SYNE2: variants seen among roughly 807,000 people sequenced by gnomAD.
SYNE2 encodes nesprin-2.
A neutral mutation model predicts 856.3 loss-of-function variants in SYNE2; 431 were observed. The observed-to-expected ratio is 0.50, with a 90% CI of 0.47 to 0.55. The LOEUF is 0.55. Ranked by LOEUF, SYNE2 falls within the 20% of genes least tolerant of loss-of-function variation. The pLI is 0.00. For missense variants in SYNE2, 8,129 were observed against 8,023.2 expected (o/e 1.01, Z -0.50); for synonymous variants, 2,923 against 2,872.3 (o/e 1.02, Z -0.56).
chr14:64,098,974 A>C (rs1280722153), intron 63 of SYNE2, 153 bp downstream of exon 63: 1 of 766,840 alleles, frequency 1.3e-6, no homozygotes, highest in Non-Finnish European at 2.2e-6. Context: ...TTATGTTATT[A>C]ATGTTTAAGT....
intron 1 of SYNE2, among the ~76,000 whole-genome samples, chr14:63,804,700 G>A (rs1192258799): frequency 6.6e-6 from 1 of 152,036 alleles, no homozygotes; most frequent in African/African-American, 2.4e-5. Flanking sequence ...CTCCATGTTG[G>A]TCAGGCTGAT....
intron 46 of SYNE2, 129 bp downstream of exon 46, chr14:64,048,284 T>A (rs574181167): frequency 1.2e-6 from 1 of 802,888 alleles, no homozygotes; most frequent in African/African-American, 1.7e-5. Flanking sequence ...TGATGATCAA[T>A]TTGGTAACTG....
At chr14:63,941,642 T>G in intron 3 of SYNE2, 53 bp from the exon 4 acceptor site, 1 of 1,452,410 alleles carries the variant, frequency 6.9e-7, no homozygotes, top group Non-Finnish European at 9.7e-7. Context: ...TTCTTAAAGG[T>G]ATTCTTTTTG....
chr14:64,106,703 T>C (rs1478477996), intron 64 of SYNE2, among the ~76,000 whole-genome samples: 3 of 152,236 alleles, frequency 2.0e-5, no homozygotes, highest in African/African-American at 7.2e-5. Context: ...CATTTCTCTT[T>C]AACTTAGATT....
chr14:63,928,892 A>G (rs2095707504), intron 2 of SYNE2, among the ~76,000 whole-genome samples: 1 of 152,120 alleles, frequency 6.6e-6, no homozygotes, highest in African/African-American at 2.4e-5. Context: ...GGGAATGGCA[A>G]CAGGGTCTCA....
chr14:64,187,259 T>A (rs1194704454), intron 97 of SYNE2, among the ~76,000 whole-genome samples: 1 of 152,226 alleles, frequency 6.6e-6, no homozygotes, highest in African/African-American at 2.4e-5. Context: ...TTCCTTAATC[T>A]CATTTTTGTG....
intron 1 of SYNE2, among the ~76,000 whole-genome samples, chr14:63,816,198 C>T (rs532634397): frequency 1.6e-4 from 24 of 152,174 alleles, no homozygotes; most frequent in Admixed American, 5.2e-4. Flanking sequence ...ATGCCCGCCT[C>T]GGCCTCCCAA....
chr14:64,007,116 G>C lies in SYNE2; in HGVS notation c.4471G>C (p.Ala1491Pro). 6.2e-7 allele frequency: 1 copy of C among 1,613,198 alleles called. No homozygotes were observed. Among genetic ancestry groups the C allele is most frequent in the Non-Finnish European group, 8.5e-7 (1 of 1,179,152 alleles). ...AGAGAAGAGACATTTACAAGAAATG[G>C]CTAATTCTCTTCCACACTTCAAAGA... ...EEEKRHLQEMANSLPHFKDGR... is the reference protein window; with the variant it reads ...EEEKRHLQEMPNSLPHFKDGR... Residue 1491 changes from alanine (A) to proline (P), a missense_variant, in exon 31 of 116, where the codon GCT becomes CCT. Transcript: ENST00000555002.
chr14:63,972,262 A>G (rs569355884), intron 11 of SYNE2, among the ~76,000 whole-genome samples: 32 of 152,330 alleles, frequency 2.1e-4, no homozygotes, highest in African/African-American at 4.6e-4. Context: ...GATATTGTCT[A>G]TATAGCTCAG....
intron 32 of SYNE2, 73 bp from the exon 33 acceptor site, chr14:64,016,400 A>G (rs1455308198): frequency 1.5e-5 from 15 of 1,019,150 alleles, no homozygotes; most frequent in Admixed American, 2.5e-5. Flanking sequence ...TCAATATCCA[A>G]CAATAGAATT....
intron 94 of SYNE2, among the ~76,000 whole-genome samples, chr14:64,173,155 A>G (rs1028838670): frequency 6.6e-6 from 1 of 152,204 alleles, no homozygotes; most frequent in Non-Finnish European, 1.5e-5. Context: ...GTTAGGGTAG[A>G]GAGACCCTGA....
chr14:63,838,661 A>G lies in SYNE2; in HGVS notation c.-304-13840A>G, dbSNP rs566949922. The stretch of plus-strand genomic sequence containing the variant: ...AGTAGCCAGACTATAGGCACGCATA[A>G]CTGAGCTTGGCTAATTTTAAAATTT... On this transcript the variant is annotated intron_variant, in intron 1 of 23. Transcript: ENST00000674003. Among the ~76,000 whole-genome samples, 83 of 152,138 alleles carry G rather than the reference A, an allele frequency of 5.5e-4. No individual in the cohort carries two copies. The South Asian group carries it at 7.9e-3, about 14-fold the overall frequency.
At chr14:64,008,221 TATG>T (rs1338540020) in intron 31 of SYNE2, among the ~76,000 whole-genome samples, 1 of 152,206 alleles carries the variant, frequency 6.6e-6, no homozygotes, top group Non-Finnish European at 1.5e-5. Flanking sequence ...AGAGGACCCT[TATG>T]ATTACACCAG....
At chr14:63,940,788 AG>A (rs2095903519) in intron 3 of SYNE2, 113 bp downstream of exon 3, 1 of 889,694 alleles carries the variant, frequency 1.1e-6, no homozygotes, top group South Asian at 1.5e-5. Context: ...GACAGGGAAA[AG>A]GTTGTGGAAT....
intron 85 of SYNE2, among the ~76,000 whole-genome samples, chr14:64,157,736 A>G (rs550706811): frequency 7.9e-5 from 12 of 152,372 alleles, no homozygotes; most frequent in African/African-American, 2.2e-4. Flanking sequence ...CATCGTCACC[A>G]ACACATTATT....
intron 20 of SYNE2, 121 bp from the exon 21 acceptor site, chr14:63,990,801 TATAATTTAGATAGATTTATC>T (rs2096660939): frequency 5.0e-6 from 4 of 795,260 alleles, no homozygotes; most frequent in Admixed American, 2.3e-5. Context: ...TAGATAGATT[TATAATTTAGATAGATTTATC>T]ATAATTTAGA....
intron 7 of SYNE2, among the ~76,000 whole-genome samples, 185 bp from the exon 8 acceptor site, chr14:63,954,534 T>C: frequency 6.6e-6 from 1 of 152,182 alleles, no homozygotes. Context: ...CAGTGTTCTG[T>C]GGTATTTTGA....
chr14:64,179,493 C>A (rs1447019895), intron 96 of SYNE2, among the ~76,000 whole-genome samples: 1 of 152,160 alleles, frequency 6.6e-6, no homozygotes, highest in Non-Finnish European at 1.5e-5. Context: ...ATGTTGGCAC[C>A]TAATGCACAT....
intron 1 of SYNE2, among the ~76,000 whole-genome samples, chr14:63,767,104 T>C (rs2139694553): frequency 6.8e-6 from 1 of 146,810 alleles, no homozygotes; most frequent in South Asian, 2.1e-4. Flanking sequence ...TCTTTTATTT[T>C]TTTTATCTTT....
Sources: allele counts gnomAD v4.1 joint callset (sites outside exome capture counted in the v4.1 genomes callset), GRCh38; gene constraint gnomAD v4.1.1; transcripts MANE v1.5; gene names NCBI Gene and HGNC (gene_info 2026-07-23, HGNC 2026-07-21).